ATRX: variants seen among roughly 807,000 people sequenced by gnomAD.
ATRX encodes chromatin remodeler ATRX.
Under a neutral mutation model 172.6 loss-of-function variants are expected in ATRX, and 12 were observed. The observed-to-expected ratio is 0.07, with a 90% CI of 0.04 to 0.11. The LOEUF is 0.11. ATRX is among the 10% of genes least tolerant of loss of function. The probability of loss-of-function intolerance (pLI) is 1.00; values close to 1 mark genes in which losing one functional copy is unlikely to be tolerated. For synonymous variants in ATRX, 674 were observed against 594.7 expected (o/e 1.13, Z -1.94); for missense variants, 1,368 against 1,767.4 (o/e 0.77, Z 4.05).
At chrX:77,531,490 A>G (rs1294726343) in intron 30 of ATRX, among the ~76,000 whole-genome samples, 2 of 112,423 alleles carry the variant, frequency 1.8e-5, no homozygotes, top group Non-Finnish European at 3.8e-5. Context: ...GGAAATAAAT[A>G]AATGTGATTC....
At chrX:77,553,376 T>G (rs887381005) in intron 30 of ATRX, among the ~76,000 whole-genome samples, 4 of 111,907 alleles carry the variant, frequency 3.6e-5, no homozygotes, top group Admixed American at 2.9e-4. Flanking sequence ...AATATCCATT[T>G]TCTTTTCTCT....
At chrX:77,712,239 A>G (rs2073147108) in intron 2 of ATRX, among the ~76,000 whole-genome samples, 1 of 112,016 alleles carries the variant, frequency 8.9e-6, no homozygotes, top group Admixed American at 9.5e-5. Context: ...TTCTTCTTCC[A>G]TGTGTTGACT....
intron 22 of ATRX, among the ~76,000 whole-genome samples, chrX:77,610,017 G>A (rs1157765155): frequency 8.9e-6 from 1 of 111,993 alleles, no homozygotes; most frequent in African/African-American, 3.2e-5. Flanking sequence ...GTCATTTAAG[G>A]ATGAATGCTT....
intron 27 of ATRX, among the ~76,000 whole-genome samples, chrX:77,585,792 C>T (rs1166053915): frequency 1.8e-5 from 2 of 109,299 alleles, no homozygotes; most frequent in Non-Finnish European, 3.8e-5. Flanking sequence ...TACTTATATA[C>T]AATGGAATAG....
chrX:77,517,301 G>A (rs184091580), intron 34 of ATRX, among the ~76,000 whole-genome samples: 1 of 111,558 alleles, frequency 9.0e-6, no homozygotes, highest in Admixed American at 9.5e-5. Context: ...AGAAAAAGGA[G>A]AAGATTCAAG....
chrX:77,778,663 G>C (rs1557204002), intron 1 of ATRX, among the ~76,000 whole-genome samples: 4 of 105,198 alleles, frequency 3.8e-5, no homozygotes, highest in African/African-American at 6.9e-5. Flanking sequence ...GGAGGTTGCA[G>C]TGAGCCAAGA....
Position 77,613,322 on chromosome X carries a change from T to C in ATRX, c.5566+3291A>G, listed in dbSNP as rs781981290. ...AAATGGTATCTCACTGTACGTTTGA[T>C]TTGCATTCCTCTAATGAGTAGATAT... On this transcript the variant is annotated intron_variant, in intron 22 of 34. Transcript: ENST00000373344. Among the ~76,000 whole-genome samples the C allele has an allele frequency of 2.7e-5, 3 of 111,116 alleles. No homozygotes were observed. The South Asian group carries it at 1.2e-3, about 43-fold the overall frequency.
At chrX:77,649,578 A>C (rs1557115703) in intron 15 of ATRX, among the ~76,000 whole-genome samples, 1 of 111,615 alleles carries the variant, frequency 9.0e-6, no homozygotes, top group Non-Finnish European at 1.9e-5. Flanking sequence ...TCCCCACCCA[A>C]ATCTCATCTT....
At chrX:77,646,167 A>ACTCC (rs2068900722) in intron 15 of ATRX, among the ~76,000 whole-genome samples, 1 of 112,101 alleles carries the variant, frequency 8.9e-6, no homozygotes, top group South Asian at 3.7e-4. Context: ...AAAGACATAG[A>ACTCC]TGGACATAAT....
rs1374827341 is a variant in ATRX, at chrX:77,786,190, C to A, written c.-189G>T. On this transcript the variant is annotated 5_prime_UTR_variant, in exon 1 of 35. Coordinates refer to ENST00000373344, the MANE Select transcript of ATRX (RefSeq NM_000489.6). ...GAGCCGCGGAAACAAAGCGACACCG[C>A]TGCCGCCGCCATTTTGTTGGGCCGA... The A allele has an allele frequency of 6.6e-6, 3 of 456,359 alleles. No homozygotes were observed. In the African/African-American group the frequency reaches 7.4e-5, roughly 11 times the overall value. The allele number at this position is 456,359 out of a possible 1,213,427, so 37.6% of individuals were successfully genotyped here.
At chrX:77,715,209 C>G (rs1271657434) in intron 2 of ATRX, among the ~76,000 whole-genome samples, 2 of 111,912 alleles carry the variant, frequency 1.8e-5, no homozygotes, top group African/African-American at 6.5e-5. Flanking sequence ...CAATGACTGA[C>G]CACATATACA....
rs894839279 is a variant in ATRX, at chrX:77,712,234, C to A, written c.133+4897G>T. On this transcript the variant is annotated intron_variant, in intron 2 of 34. Coordinates refer to ENST00000373344, the MANE Select transcript of ATRX (RefSeq NM_000489.6). ...GGGAATTCAGCCATTGCCACTTCTTCTTCCATGTGTTGACTCCCCTCCAGT... is the reference window on the plus strand; with the variant it reads ...GGGAATTCAGCCATTGCCACTTCTTATTCCATGTGTTGACTCCCCTCCAGT... 5.4e-5 allele frequency among the ~76,000 whole-genome samples: 6 copies of A among 112,015 alleles called. No individual in the cohort carries two copies. In the Admixed American group the frequency reaches 5.7e-4, roughly 11 times the overall value.
chrX:77,522,464 A>G, intron 31 of ATRX, 76 bp from the exon 32 acceptor site: 1 of 1,066,675 alleles, frequency 9.4e-7, no homozygotes, highest in Non-Finnish European at 1.3e-6. Context: ...CTGGTTTAGA[A>G]AAGAATCCAC....
intron 12 of ATRX, among the ~76,000 whole-genome samples, chrX:77,657,305 C>T (rs973645691): frequency 1.8e-5 from 2 of 111,740 alleles, no homozygotes; most frequent in African/African-American, 6.5e-5. Flanking sequence ...TCAGGCTCTA[C>T]ATGTGGAATC....
chrX:77,632,975 C>T (rs1557106308), intron 19 of ATRX, among the ~76,000 whole-genome samples: 2 of 111,467 alleles, frequency 1.8e-5, no homozygotes, highest in Admixed American at 9.6e-5. Context: ...TACAAGGTAT[C>T]CCCTAAAACC....
chrX:77,682,661 G>T lies in ATRX; in HGVS notation c.2595C>A (p.His865Gln), dbSNP rs61752455. The T allele has an allele frequency of 8.3e-7, 1 of 1,208,720 alleles. No individual in the cohort carries two copies. Reference protein sequence around the residue: ...HSKKGMDNQGHKNLKTSQEGS... With the variant: ...HSKKGMDNQGQKNLKTSQEGS... The stretch of plus-strand genomic sequence containing the variant: ...CTTCTTGTGAGGTCTTCAAATTTTT[G>T]TGCCCTTGATTATCCATTCCTTTTT... Residue 865 changes from histidine to glutamine, a missense_variant, in exon 9 of 35, where the codon CAC becomes CAA. His to Gln is a conservative substitution (Grantham distance 24). Around this residue, in one of 17 missense-constraint regions of ATRX, gnomAD observed 843 missense variants for 643.1 expected, o/e 1.31. Coordinates refer to ENST00000373344, the MANE Select transcript of ATRX (RefSeq NM_000489.6).
At chrX:77,629,974 A>G (rs183174822) in intron 19 of ATRX, among the ~76,000 whole-genome samples, 3 of 112,484 alleles carry the variant, frequency 2.7e-5, no homozygotes, top group East Asian at 5.6e-4. Context: ...GTGCGCGCGC[A>G]CACACACGCG....
chrX:77,781,093 A>G (rs1430276143), intron 1 of ATRX, among the ~76,000 whole-genome samples: 1 of 111,368 alleles, frequency 9.0e-6, no homozygotes. Flanking sequence ...TTCAGTGTTC[A>G]TTCCTCTATA....
intron 28 of ATRX, among the ~76,000 whole-genome samples, chrX:77,573,069 T>C (rs1214347289): frequency 6.2e-5 from 7 of 112,505 alleles, no homozygotes; most frequent in East Asian, 5.5e-4. Context: ...TGTTTGTGTA[T>C]GTGTATACGT....
Sources: allele counts gnomAD v4.1 joint callset (sites outside exome capture counted in the v4.1 genomes callset), GRCh38; gene constraint gnomAD v4.1.1; regional missense constraint gnomAD v4.1.1; transcripts MANE v1.5; gene names NCBI Gene and HGNC (gene_info 2026-07-23, HGNC 2026-07-21).